WIPF2: variants seen among roughly 807,000 people sequenced by gnomAD.
WIPF2 encodes the protein WAS/WASL interacting protein family member 2, also known as WAS/WASL-interacting protein family member 2.
In WIPF2, 23 loss-of-function variants were observed where a neutral mutation model predicts 38.8. The ratio of observed to expected loss-of-function variants is 0.59; its 90% confidence interval spans 0.43 to 0.84. WIPF2 has a LOEUF of 0.84. Ranked by LOEUF, WIPF2 falls within the 40% of genes least tolerant of loss-of-function variation. WIPF2 has a pLI of 0.00. For synonymous variants in WIPF2, 210 were observed against 223.2 expected, an observed-to-expected ratio of 0.94 and a Z score of 0.53; for missense variants, 574 against 580.5, an observed-to-expected ratio of 0.99 and a Z score of 0.11.
rs2032561088 is a variant in WIPF2, at chr17:40,282,121, A to G, written c.*3896A>G. ...CATCAAAACCACACGCAAAAAAAAAAAAAAAAAAAAAAAGGATAACTTTAA... is the reference window on the plus strand; with the variant it reads ...CATCAAAACCACACGCAAAAAAAAAGAAAAAAAAAAAAAGGATAACTTTAA... On this transcript the variant is annotated 3_prime_UTR_variant, in exon 8 of 8. Transcript: ENST00000323571. 6.6e-6 allele frequency: 1 copy of G among 151,588 alleles called. No individual in the cohort carries two copies. Among genetic ancestry groups the G allele is most frequent in the Non-Finnish European group, 1.5e-5 (1 of 67,828 alleles). 9.4% of individuals were successfully genotyped at this position (151,588 alleles called of 1,614,324 possible). A position where few individuals can be genotyped will look rare whatever the true frequency, so the allele number is the denominator to read the frequency against.
chr17:40,254,080 G>A (rs988907978), intron 1 of WIPF2, among the ~76,000 whole-genome samples: 12 of 150,980 alleles, frequency 7.9e-5, no homozygotes, highest in African/African-American at 2.7e-4. Flanking sequence ...GCAGTGGTGC[G>A]TTCTGGGCTT....
intron 1 of WIPF2, among the ~76,000 whole-genome samples, chr17:40,254,388 T>C (rs1320160105): frequency 6.6e-6 from 1 of 152,140 alleles, no homozygotes; most frequent in African/African-American, 2.4e-5. Flanking sequence ...GGTTACCATC[T>C]TGAACCTTTC....
At chr17:40,239,717 C>T (rs1360397116) in intron 1 of WIPF2, among the ~76,000 whole-genome samples, 10 of 117,688 alleles carry the variant, frequency 8.5e-5, no homozygotes, top group East Asian at 2.6e-4. Context: ...TTTTTTGAGA[C>T]GGAGTCTCAC....
At chr17:40,247,398 T>C (rs2031406728) in intron 1 of WIPF2, among the ~76,000 whole-genome samples, 1 of 151,366 alleles carries the variant, frequency 6.6e-6, no homozygotes, top group Non-Finnish European at 1.5e-5. Context: ...TTTGTATTTT[T>C]AGTAGGGATG....
intron 1 of WIPF2, chr17:40,220,597 A>ACG (rs2030163747): frequency 1.3e-5 from 1 of 79,506 alleles, no homozygotes; most frequent in Non-Finnish European, 2.3e-5. Context: ...ATATATATAT[A>ACG]TATATATATA....
Position 40,250,260 on chromosome 17 carries a change from C to T in WIPF2, c.-69-6131C>T, listed in dbSNP as rs534342543. 1.2e-4 allele frequency among the ~76,000 whole-genome samples: 12 copies of T among 98,444 alleles called. No homozygotes were observed. In the East Asian group the frequency reaches 2.6e-3, roughly 21 times the overall value. The allele number at this position is 98,444 out of a possible 152,430, so 64.6% of individuals were successfully genotyped here. On this transcript the variant is annotated intron_variant, in intron 1 of 7. Coordinates refer to ENST00000323571, the MANE Select transcript of WIPF2 (RefSeq NM_133264.5). ...TTTTTTTTTTTTTGAGACAAAGTCT[C>T]GCTCTGTCAACCCAAGCTGGCGTGC...
At chr17:40,239,046 T>TTTATTTA (rs1555560742) in intron 1 of WIPF2, among the ~76,000 whole-genome samples, 13 of 138,810 alleles carry the variant, frequency 9.4e-5, no homozygotes, top group African/African-American at 3.0e-4. Context: ...GTTTATTTTA[T>TTTATTTA]TTTATTTATT....
At chr17:40,227,890 C>G (rs1277968033) in intron 1 of WIPF2, among the ~76,000 whole-genome samples, 1 of 149,684 alleles carries the variant, frequency 6.7e-6, no homozygotes, top group Non-Finnish European at 1.5e-5. Context: ...CCAGAGATAC[C>G]AGGTACATAT....
At chr17:40,278,080 A>T in intron 7 of WIPF2, 105 bp from the exon 8 acceptor site, 1 of 1,332,276 alleles carries the variant, frequency 7.5e-7, no homozygotes, top group Non-Finnish European at 1.0e-6. Context: ...CCCAGATTTT[A>T]AAGGTTAGCT....
At chr17:40,259,744 G>C (rs1463942918) in intron 2 of WIPF2, among the ~76,000 whole-genome samples, 2 of 152,116 alleles carry the variant, frequency 1.3e-5, no homozygotes, top group East Asian at 3.8e-4. Flanking sequence ...CATGACCTTA[G>C]ATAGCTATTC....
chr17:40,280,887 G>A lies in WIPF2; in HGVS notation c.*2662G>A, dbSNP rs1337314939. 2.0e-5 allele frequency: 3 copies of A among 152,470 alleles called. No individual in the cohort carries two copies. The highest frequency in any genetic ancestry group is 7.2e-5 in the African/African-American group (3 of 41,390). 9.4% of individuals were successfully genotyped at this position (152,470 alleles called of 1,614,324 possible). A position where few individuals can be genotyped will look rare whatever the true frequency, so the allele number is the denominator to read the frequency against. On this transcript the variant is annotated 3_prime_UTR_variant, in exon 8 of 8. Coordinates refer to ENST00000323571, the MANE Select transcript of WIPF2 (RefSeq NM_133264.5). The stretch of plus-strand genomic sequence containing the variant: ...AGATGAGTTTTTTTTAGAGCATGTT[G>A]ATGATACAACACCTGTTTAAATGTC...
At chr17:40,275,251 A>C (rs1471081496) in intron 6 of WIPF2, among the ~76,000 whole-genome samples, 1 of 151,702 alleles carries the variant, frequency 6.6e-6, no homozygotes, top group Non-Finnish European at 1.5e-5. Context: ...AAAAAAAAAA[A>C]AAAAAAAAAA....
intron 1 of WIPF2, chr17:40,220,597 A>ATATATATG (rs1366348321): frequency 1.3e-5 from 1 of 79,462 alleles, no homozygotes; most frequent in South Asian, 3.8e-4. Flanking sequence ...ATATATATAT[A>ATATATATG]TATATATATA....
chr17:40,251,113 A>G (rs1451915029), intron 1 of WIPF2, among the ~76,000 whole-genome samples: 2 of 151,662 alleles, frequency 1.3e-5, no homozygotes, highest in Non-Finnish European at 2.9e-5. Context: ...ACGGGGTTTC[A>G]CTGTGTTAGC....
intron 1 of WIPF2, among the ~76,000 whole-genome samples, chr17:40,226,818 T>C (rs2030511472): frequency 6.6e-6 from 1 of 152,218 alleles, no homozygotes; most frequent in Non-Finnish European, 1.5e-5. Context: ...CTCGGCTCAC[T>C]GCAGCCTCTG....
At chr17:40,220,602 T>TATATAC (rs2030170140) in intron 1 of WIPF2, 3 of 94,060 alleles carry the variant, frequency 3.2e-5, no homozygotes, top group African/African-American at 9.3e-5. Flanking sequence ...TATATATATA[T>TATATAC]ATATATATAT....
chr17:40,262,774 G>T, intron 4 of WIPF2, 133 bp downstream of exon 4: 2 of 693,572 alleles, frequency 2.9e-6, no homozygotes, highest in Admixed American at 2.4e-5. Context: ...AGGAGTTATA[G>T]AATAGAATAC....
chr17:40,239,157 C>T (rs555589519), intron 1 of WIPF2, among the ~76,000 whole-genome samples: 202 of 151,442 alleles, frequency 1.3e-3, no homozygotes, highest in Middle Eastern at 3.4e-3. Context: ...CTGCAAGCTC[C>T]GCCTCCCAGG....
At chr17:40,264,326 CAAAA>C (rs772320240) in intron 4 of WIPF2, among the ~76,000 whole-genome samples, 160 bp from the exon 5 acceptor site, 7 of 23,966 alleles carry the variant, frequency 2.9e-4, no homozygotes, top group Middle Eastern at 0.028. Flanking sequence ...AACTTCGTCT[CAAAA>C]AAAAAAAAAA....
Sources: gnomAD v4.1 joint callset for allele counts (sites outside exome capture counted in the v4.1 genomes callset) on GRCh38, gnomAD v4.1.1 for gene constraint, MANE v1.5 for transcripts, NCBI Gene and HGNC (gene_info 2026-07-23, HGNC 2026-07-21) for gene names.